The following IVD variants were observed in gnomAD, a reference collection of about 807,000 sequenced individuals.
IVD encodes isovaleryl-CoA dehydrogenase, mitochondrial.
Under a neutral mutation model 51.3 loss-of-function variants are expected in IVD, and 31 were observed. That is an observed-to-expected ratio of 0.60 (90% CI 0.45 to 0.81). The LOEUF (loss-of-function observed/expected upper bound fraction) is 0.81. Among genes scored for constraint, IVD ranks in the 40% least tolerant of loss-of-function variants. The pLI is 0.00. For missense variants in IVD, 475 were observed against 552.0 expected (o/e 0.86, Z 1.40); for synonymous variants, 205 against 219.4 (o/e 0.93, Z 0.58).
chr15:40,432,996 T>C (rs1893065578), intron 7 of IVD, among the ~76,000 whole-genome samples: 1 of 152,220 alleles, frequency 6.6e-6, no homozygotes, highest in Non-Finnish European at 1.5e-5. Context: ...GATTCACAAT[T>C]GCTAATGTTC....
At chr15:40,415,269 G>A (rs776770489) in intron 8 of IVD, 132 bp from the exon 9 acceptor site, 15 of 871,418 alleles carry the variant, frequency 1.7e-5, no homozygotes, top group Admixed American at 1.4e-4. Context: ...AGTCAGTGCC[G>A]TAACTGTGGC....
At position 40,405,804 on chromosome 15, in the gene IVD, G is replaced by T. The variant is rs776652609; in HGVS notation, c.-24G>T. On this transcript the variant is annotated 5_prime_UTR_variant, in exon 1 of 12. Coordinates refer to ENST00000487418, the MANE Select transcript of IVD (RefSeq NM_002225.5). ...AGCTAAGAGCTGGCTCAGTTTCAGC[G>T]CTGGCTCTTCGTGCATGGCAGAGAT... The T allele has an allele frequency of 1.5e-5, 24 of 1,607,506 alleles. No homozygotes were observed. The Admixed American group carries it at 2.5e-4, about 17-fold the overall frequency.
At chr15:40,434,457 C>T (rs1168967545) in intron 8 of IVD, among the ~76,000 whole-genome samples, 1 of 152,156 alleles carries the variant, frequency 6.6e-6, no homozygotes, top group Non-Finnish European at 1.5e-5. Context: ...TTCCTTGGGG[C>T]CAGGACTGTG....
chr15:40,412,052 C>T (rs1891142728), intron 6 of IVD, among the ~76,000 whole-genome samples: 1 of 152,082 alleles, frequency 6.6e-6, no homozygotes. Flanking sequence ...ACTGCCCCTG[C>T]AACAGCCTTG....
intron 7 of IVD, among the ~76,000 whole-genome samples, chr15:40,413,397 A>G (rs1336803139): frequency 6.6e-6 from 1 of 152,252 alleles, no homozygotes; most frequent in African/African-American, 2.4e-5. Flanking sequence ...CATCCACTGC[A>G]TGTGAGTAAC....
chr15:40,409,839 T>C (rs112391853), intron 3 of IVD, among the ~76,000 whole-genome samples: 19,723 of 138,946 alleles, frequency 0.14, 1,409 homozygotes, highest in African/African-American at 0.16. Flanking sequence ...TTCTTTCTTT[T>C]TTTTTTTTTT....
At chr15:40,435,798 T>C, downstream of IVD, 1 of 767,176 alleles carries the variant, frequency 1.3e-6, no homozygotes, top group Non-Finnish European at 1.6e-6. Flanking sequence ...GCCCGAAGAG[T>C]GCCTGCTCCT....
At chr15:40,429,732 AG>A (rs1292910824) in intron 7 of IVD, among the ~76,000 whole-genome samples, 2 of 152,190 alleles carry the variant, frequency 1.3e-5, no homozygotes, top group Non-Finnish European at 2.9e-5. Context: ...AGGAGTGGGC[AG>A]GGGGGAATCT....
At chr15:40,413,705 T>G (rs770633901) in intron 7 of IVD, among the ~76,000 whole-genome samples, 14 of 143,030 alleles carry the variant, frequency 9.8e-5, no homozygotes, top group Non-Finnish European at 1.5e-4. Context: ...GTTTGTTTGT[T>G]TTGAGAAGGA....
chr15:40,415,554 A>C, intron 9 of IVD, 72 bp downstream of exon 9: 1 of 1,331,452 alleles, frequency 7.5e-7, no homozygotes, highest in Non-Finnish European at 1.1e-6. Flanking sequence ...AGAGGAAGTG[A>C]GGTGGGCACC....
At chr15:40,423,252 A>G (rs1892469875), downstream of IVD, among the ~76,000 whole-genome samples, 2 of 152,132 alleles carry the variant, frequency 1.3e-5, no homozygotes, top group South Asian at 4.1e-4. Flanking sequence ...AAATTTTTGT[A>G]TATGCTTTAT....
intron 3 of IVD, among the ~76,000 whole-genome samples, chr15:40,409,455 A>T (rs1890815924): frequency 6.6e-6 from 1 of 152,190 alleles, no homozygotes; most frequent in African/African-American, 2.4e-5. Context: ...GGAACCTGAA[A>T]AAGAAAGCTG....
chr15:40,410,581 T>G, intron 3 of IVD, 47 bp from the exon 4 acceptor site: 9 of 1,608,870 alleles, frequency 5.6e-6, no homozygotes, highest in Non-Finnish European at 7.7e-6. Flanking sequence ...ATGTCCCGAT[T>G]TAATCTGGGC....
downstream of IVD, chr15:40,424,188 C>T (rs543707451): frequency 1.6e-5 from 20 of 1,288,206 alleles, no homozygotes; most frequent in East Asian, 1.1e-4. Flanking sequence ...TCAAGCTCCC[C>T]GCAAATTCTT....
At chr15:40,410,354 C>G (rs778212897) in intron 3 of IVD, among the ~76,000 whole-genome samples, 17 of 152,190 alleles carry the variant, frequency 1.1e-4, no homozygotes, top group Admixed American at 2.6e-4. Context: ...TCAGGTTGTT[C>G]ACGTATCTTC....
At chr15:40,434,118 G>A (rs1238415282) in intron 8 of IVD, among the ~76,000 whole-genome samples, 1 of 152,200 alleles carries the variant, frequency 6.6e-6, no homozygotes, top group Non-Finnish European at 1.5e-5. Context: ...GTAAACTGGA[G>A]CATGCCTACC....
chr15:40,418,614 G>C lies in IVD; in HGVS notation c.*351G>C. 1 of 1,066,004 alleles carries C rather than the reference G, an allele frequency of 9.4e-7. No homozygotes were observed. Among genetic ancestry groups the C allele is most frequent in the South Asian group, 1.9e-5 (1 of 51,882 alleles). 66.0% of individuals were successfully genotyped at this position (1,066,004 alleles called of 1,614,324 possible). A position where few individuals can be genotyped will look rare whatever the true frequency, so the allele number is the denominator to read the frequency against. On this transcript the variant is annotated 3_prime_UTR_variant, in exon 12 of 12. Coordinates refer to ENST00000487418, the MANE Select transcript of IVD (RefSeq NM_002225.5). The stretch of plus-strand genomic sequence containing the variant: ...GGGCATGCAGGTGCCCACCTCCCAG[G>C]GTAGGCACCTGGGGGCATGCAGGTA...
chr15:40,410,719 C>G lies in IVD; in HGVS notation c.378C>G (p.Tyr126Ter). The G allele has an allele frequency of 1.2e-6, 2 of 1,614,174 alleles. No homozygotes were observed. The highest frequency in any genetic ancestry group is 2.2e-5 in the South Asian group (2 of 91,082). The change falls in exon 4 of 12, where the codon TAC becomes TAG. Residue 126 changes from tyrosine to a stop codon, truncating the protein, a stop_gained. Transcript: ENST00000487418. LOFTEE classifies it high-confidence loss of function. ...SRASGAVGLS[Y>*]GAHSNLCINQ... The stretch of plus-strand genomic sequence containing the variant: ...CTTCCGGAGCAGTGGGGCTCAGTTA[C>G]GGTGCCCACTCCAACCTCTGCATCA...
chr15:40,431,714 T>C (rs574584793), intron 7 of IVD, among the ~76,000 whole-genome samples: 115 of 151,448 alleles, frequency 7.6e-4, no homozygotes, highest in Admixed American at 2.0e-3. Flanking sequence ...AAAAAGATTA[T>C]GTGTAAAGAG....
Sources: gnomAD v4.1 joint callset for allele counts (sites outside exome capture counted in the v4.1 genomes callset) on GRCh38, gnomAD v4.1.1 for gene constraint, MANE v1.5 for transcripts, NCBI Gene and HGNC (gene_info 2026-07-23, HGNC 2026-07-21) for gene names.